MTF1: variants seen among roughly 807,000 people sequenced by gnomAD.
The protein encoded by MTF1 is metal regulatory transcription factor 1, also known as MRE-binding transcription factor.
MTF1 carries 22 observed loss-of-function variants against 70.4 expected under a neutral mutation model. That is an observed-to-expected ratio of 0.31 (90% CI 0.22 to 0.45). The LOEUF (loss-of-function observed/expected upper bound fraction) is 0.45, where lower values mean the gene tolerates loss of function less well. MTF1 is among the 20% of genes least tolerant of loss of function. MTF1 has a pLI of 1.00. For synonymous variants in MTF1, 333 were observed against 352.8 expected, an observed-to-expected ratio of 0.94 and a Z score of 0.63; for missense variants, 649 against 922.0, an observed-to-expected ratio of 0.70 and a Z score of 3.83.
chr1:37,815,255 T>A lies in MTF1; in HGVS notation c.2143A>T (p.Met715Leu), dbSNP rs1640796729. The change falls in exon 11 of 11, where the codon ATG becomes TTG. Residue 715 changes from methionine to leucine, a missense_variant. By Grantham distance (15) the Met-to-Leu change is conservative. Coordinates refer to ENST00000373036, the MANE Select transcript of MTF1 (RefSeq NM_005955.3). The surrounding 1 kb of genome is among the most constrained non-coding windows in gnomAD (Gnocchi z 4.5). ...AGGGATAGAAACTCTGACACATCCATGGCACTTAATGTTTCTGTCTGAGGG... is the reference window on the plus strand; with the variant it reads ...AGGGATAGAAACTCTGACACATCCAAGGCACTTAATGTTTCTGTCTGAGGG... ...SDPQTETLSA[M>L]DVSEFLSLQS... is the part of the protein sequence containing the mutation. 6.2e-7 allele frequency: 1 copy of A among 1,613,920 alleles called. No individual in the cohort carries two copies. The highest frequency in any genetic ancestry group is 1.7e-5 in the Admixed American group (1 of 59,984).
chr1:37,826,439 C>T (rs949191012), intron 7 of MTF1: 1 of 366,802 alleles, frequency 2.7e-6, no homozygotes, highest in Non-Finnish European at 5.4e-6. Context: ...CGCCACCATG[C>T]CTGGCTGCTT....
At chr1:37,837,308 C>A (rs1167548655) in intron 4 of MTF1, among the ~76,000 whole-genome samples, 1 of 152,092 alleles carries the variant, frequency 6.6e-6, no homozygotes, top group Non-Finnish European at 1.5e-5. Context: ...CCTCCCACCT[C>A]AGTCTCCCAA....
At chr1:37,826,242 T>C (rs1640999287) in intron 7 of MTF1, among the ~76,000 whole-genome samples, 1 of 152,164 alleles carries the variant, frequency 6.6e-6, no homozygotes, top group South Asian at 2.1e-4. Flanking sequence ...CTAGAAGTGC[T>C]CAAAGATTAA....
intron 5 of MTF1, 52 bp downstream of exon 5, chr1:37,835,619 T>C (rs956950290): frequency 1.5e-6 from 2 of 1,375,702 alleles, no homozygotes; most frequent in Admixed American, 1.7e-5. Context: ...CAGGTCTCAA[T>C]GGAAAATTGA....
chr1:37,816,157 C>A (rs1486817127), intron 10 of MTF1, among the ~76,000 whole-genome samples: 1 of 152,232 alleles, frequency 6.6e-6, no homozygotes, highest in African/African-American at 2.4e-5. Flanking sequence ...GGACATCTTA[C>A]TCATCTCTCT....
rs1253908654 is a variant in MTF1, at chr1:37,815,855, C to A, written c.1832-289G>T. 1.3e-5 allele frequency among the ~76,000 whole-genome samples: 2 copies of A among 152,180 alleles called. No homozygotes were observed. Among genetic ancestry groups the A allele is most frequent in the African/African-American group, 2.4e-5 (1 of 41,440 alleles). On this transcript the variant is annotated intron_variant, in intron 10 of 10. Transcript: ENST00000373036. The surrounding 1 kb of genome is among the most constrained non-coding windows in gnomAD (Gnocchi z 4.5). ...TTCCAGTCATTCTCCATTGCACCCTCCCTGTGGAGGCCTACTTTTCCTGAC... is the reference window on the plus strand; with the variant it reads ...TTCCAGTCATTCTCCATTGCACCCTACCTGTGGAGGCCTACTTTTCCTGAC...
chr1:37,834,528 CATT>C (rs770398411), intron 6 of MTF1: 2 of 316,496 alleles, frequency 6.3e-6, no homozygotes, highest in Non-Finnish European at 1.3e-5. Flanking sequence ...AGAGGACAGA[CATT>C]ATCTGCTTTA....
chr1:37,835,595 T>C (rs1641156024), intron 5 of MTF1, 76 bp downstream of exon 5: 2 of 1,051,896 alleles, frequency 1.9e-6, no homozygotes, highest in Non-Finnish European at 3.0e-6. Context: ...TCTCTGTATA[T>C]CCACCTAGCT....
intron 2 of MTF1, among the ~76,000 whole-genome samples, chr1:37,850,233 T>C (rs1641394714): frequency 9.0e-6 from 1 of 111,606 alleles, no homozygotes; most frequent in Non-Finnish European, 1.8e-5. Flanking sequence ...TGGAACCCTG[T>C]CTCAACCAAA....
chr1:37,846,233 G>A (rs1225672791), intron 2 of MTF1, among the ~76,000 whole-genome samples: 1 of 152,102 alleles, frequency 6.6e-6, no homozygotes, highest in African/African-American at 2.4e-5. Context: ...AACATGGTTT[G>A]AGAAGTTTTA....
intron 6 of MTF1, among the ~76,000 whole-genome samples, chr1:37,834,158 A>G (rs1194266877): frequency 6.6e-6 from 1 of 152,170 alleles, no homozygotes; most frequent in Non-Finnish European, 1.5e-5. Context: ...GGTCACAGTG[A>G]GCAGAGATTG....
At chr1:37,844,124 T>C (rs1286405099) in intron 2 of MTF1, among the ~76,000 whole-genome samples, 3 of 152,246 alleles carry the variant, frequency 2.0e-5, no homozygotes, top group Non-Finnish European at 4.4e-5. Flanking sequence ...GCTCAAATGA[T>C]AAAGTCCCAA....
intron 7 of MTF1, among the ~76,000 whole-genome samples, chr1:37,830,309 C>A (rs779239948): frequency 4.6e-5 from 7 of 152,100 alleles, no homozygotes; most frequent in Non-Finnish European, 1.0e-4. Flanking sequence ...TCAACTGATT[C>A]TTTCTTCTGT....
At position 37,840,819 on chromosome 1, in the gene MTF1, C is replaced by G. The variant is rs1463419566; in HGVS notation, c.409-661G>C. On this transcript the variant is annotated intron_variant, in intron 2 of 10. Transcript: ENST00000373036. The surrounding 1 kb of genome is among the most constrained non-coding windows in gnomAD (Gnocchi z 4.5). Reference sequence around the variant, plus strand: ...AAAAAGCTGCTTCTCCGACAAATATCAAATGGCAGATGACTCTAGTGCAGT... The same window carrying G: ...AAAAAGCTGCTTCTCCGACAAATATGAAATGGCAGATGACTCTAGTGCAGT... Among the ~76,000 whole-genome samples, 1 of 151,654 alleles carries G rather than the reference C, an allele frequency of 6.6e-6. No individual in the cohort carries two copies. The highest frequency in any genetic ancestry group is 6.6e-5 in the Admixed American group (1 of 15,242).
In MTF1 at chr1:37,827,284, T is replaced by C. The variant is rs147421637; in HGVS notation, c.1069-3472A>G. Among the ~76,000 whole-genome samples the C allele has an allele frequency of 5.3e-4, 80 of 151,574 alleles. 1 individual carries two copies. The East Asian group carries it at 0.015, about 29-fold the overall frequency. On this transcript the variant is annotated intron_variant, in intron 7 of 10. Coordinates refer to ENST00000373036, the MANE Select transcript of MTF1 (RefSeq NM_005955.3). ...AAAAGGTGCAATCCAGTTTGAAAAA[T>C]AGTTGACTAACAACTACCACTGAGC...
At chr1:37,831,621 C>T (rs905036247) in intron 7 of MTF1, among the ~76,000 whole-genome samples, 3 of 152,126 alleles carry the variant, frequency 2.0e-5, no homozygotes, top group African/African-American at 7.2e-5. Flanking sequence ...ATCATGGAGC[C>T]ATGGGAATGG....
intron 7 of MTF1, among the ~76,000 whole-genome samples, chr1:37,825,071 G>A (rs888752290): frequency 6.6e-5 from 10 of 152,072 alleles, no homozygotes; most frequent in Non-Finnish European, 1.5e-4. Flanking sequence ...AGTGGTAAGG[G>A]CAACTGCCTA....
At chr1:37,828,198 A>T (rs528531385) in intron 7 of MTF1, 27 of 401,168 alleles carry the variant, frequency 6.7e-5, no homozygotes, top group Admixed American at 1.5e-4. Context: ...AGGAAAAACT[A>T]ATCTTAGTTG....
chr1:37,829,699 G>A (rs906698547), intron 7 of MTF1, among the ~76,000 whole-genome samples: 1 of 151,920 alleles, frequency 6.6e-6, no homozygotes, highest in Non-Finnish European at 1.5e-5. Flanking sequence ...GCAGGAGAAT[G>A]GCGTGAACCC....
Sources: allele counts gnomAD v4.1 joint callset (sites outside exome capture counted in the v4.1 genomes callset), GRCh38; gene constraint gnomAD v4.1.1; non-coding constraint Gnocchi (gnomAD v3.1); transcripts MANE v1.5; gene names NCBI Gene and HGNC (gene_info 2026-07-23, HGNC 2026-07-21).